IKBKE: variants seen among roughly 807,000 people sequenced by gnomAD.
IKBKE encodes inhibitor of nuclear factor kappa-B kinase subunit epsilon.
Under a neutral mutation model 92.1 loss-of-function variants are expected in IKBKE, and 45 were observed. The ratio of observed to expected loss-of-function variants is 0.49; its 90% CI spans 0.38 to 0.63. IKBKE has a LOEUF of 0.63. Among genes scored for constraint, IKBKE ranks in the 20% least tolerant of loss-of-function variants. The probability of loss-of-function intolerance (pLI) is 0.00; values close to 1 mark genes in which losing one functional copy is unlikely to be tolerated. For missense variants in IKBKE, 700 were observed against 932.8 expected, an observed-to-expected ratio of 0.75 and a Z score of 3.25; for synonymous variants, 374 against 380.3, an observed-to-expected ratio of 0.98 and a Z score of 0.19.
intron 2 of IKBKE, among the ~76,000 whole-genome samples, chr1:206,471,819 T>G (rs2103444127): frequency 6.6e-6 from 1 of 152,372 alleles, no homozygotes; most frequent in South Asian, 2.1e-4. Flanking sequence ...AGGATTTGCA[T>G]TTTTAAAAAA....
chr1:206,484,045 C>T (rs1265662433), intron 13 of IKBKE, among the ~76,000 whole-genome samples: 2 of 151,804 alleles, frequency 1.3e-5, no homozygotes, highest in Non-Finnish European at 2.9e-5. Flanking sequence ...CCACCTTGGC[C>T]TCCCAAAGTG....
rs2103482035 is a variant in IKBKE, at chr1:206,490,839, C to T, written c.1714C>T (p.Gln572Ter). Residue 572 changes from glutamine to a stop codon, truncating the protein, a stop_gained, in exon 17 of 22, where the codon CAG becomes TAG. Transcript: ENST00000581977. LOFTEE classifies it high-confidence loss of function. This position sits in a 1 kb window ranked among gnomAD's most constrained non-coding sequence, Gnocchi z 5.2. ...MRPGLGYNEE[Q>*]IHKLDKVNFS... The stretch of plus-strand genomic sequence containing the variant: ...TCCAGGGCTTGGCTACAACGAGGAG[C>T]AGATTCACAAGCTGGATAAGTGAGT... The T allele has an allele frequency of 2.5e-6, 4 of 1,614,116 alleles. No homozygotes were observed. The South Asian group carries it at 4.4e-5, about 18-fold the overall frequency.
Position 206,474,861 on chromosome 1 carries a change from A to C in IKBKE, c.229-4A>C, listed in dbSNP as rs370859899. 2.3e-5 allele frequency: 37 copies of C among 1,613,606 alleles called. No homozygotes were observed. The highest frequency in any genetic ancestry group is 1.7e-4 in the African/African-American group (13 of 74,896). ...TCATGAGCCCCTCTCTGTCCCACCC[A>C]TAGGGCGGAAGCCGGCAGAAGGTAC... On this transcript the variant is annotated splice_polypyrimidine_tract_variant and splice_region_variant and intron_variant, in intron 4 of 21. Coordinates refer to ENST00000581977, the MANE Select transcript of IKBKE (RefSeq NM_014002.4).
In IKBKE at chr1:206,479,034, G is replaced by C. The variant is rs782242787; in HGVS notation, c.1084G>C (p.Glu362Gln). The change falls in exon 10 of 22, where the codon GAG (glutamate) becomes CAG (glutamine). Residue 362 changes from glutamate to glutamine, a missense_variant. Physicochemically the swap from Glu to Gln is conservative, Grantham distance 29. Transcript: ENST00000581977. ...CTTTGAGGGTCACCTCTGTGTCCTC[G>C]AGCCCAGCGTCTCAGCACAGCACAT... is the stretch of plus-strand genomic sequence containing the variant. ...YLFEGHLCVL[E>Q]PSVSAQHIAH... The C allele has an allele frequency of 6.2e-7, 1 of 1,613,952 alleles. No individual in the cohort carries two copies. Among genetic ancestry groups the C allele is most frequent in the South Asian group, 1.1e-5 (1 of 91,076 alleles).
intron 18 of IKBKE, 141 bp from the exon 19 acceptor site, chr1:206,492,882 A>C (rs1553390934): frequency 1.3e-6 from 1 of 753,752 alleles, no homozygotes; most frequent in Non-Finnish European, 2.4e-6. Flanking sequence ...TGGAGGGCAC[A>C]GCTGGCAGGG....
intron 12 of IKBKE, 149 bp from the exon 13 acceptor site, chr1:206,480,298 G>A (rs1372432699): frequency 1.6e-5 from 11 of 691,088 alleles, no homozygotes; most frequent in African/African-American, 5.7e-5. Context: ...AGGGGGAGGC[G>A]GGCTGTAGGT....
At chr1:206,493,166 G>T (rs1326491084) in intron 19 of IKBKE, 47 bp downstream of exon 19, 2 of 1,565,060 alleles carry the variant, frequency 1.3e-6, no homozygotes, top group Admixed American at 1.7e-5. Context: ...TGCAGGCTGG[G>T]GCGCTTGTTA....
In IKBKE at chr1:206,478,765, G is replaced by A. The variant is rs1665207486; in HGVS notation, c.993-178G>A. Among the ~76,000 whole-genome samples, 1 of 152,102 alleles carries A rather than the reference G, an allele frequency of 6.6e-6. No individual in the cohort carries two copies. The highest frequency in any genetic ancestry group is 2.1e-4 in the South Asian group (1 of 4,828). On this transcript the variant is annotated intron_variant, in intron 9 of 21. Coordinates refer to ENST00000581977, the MANE Select transcript of IKBKE (RefSeq NM_014002.4). The surrounding 1 kb of genome is among the most constrained non-coding windows in gnomAD (Gnocchi z 4.8). ...CACTCTGTCTCCATCACTATAAGATGTGAACTCTCCCCTTGGTCTCTCCAC... is the reference window on the plus strand; with the variant it reads ...CACTCTGTCTCCATCACTATAAGATATGAACTCTCCCCTTGGTCTCTCCAC...
intron 2 of IKBKE, 115 bp from the exon 3 acceptor site, chr1:206,473,081 T>C: frequency 1.5e-6 from 1 of 677,254 alleles, no homozygotes; most frequent in Non-Finnish European, 2.7e-6. Flanking sequence ...GCTTGTGGAA[T>C]GGCCACATGG....
In IKBKE at chr1:206,476,771, T is replaced by C; in HGVS notation, c.634T>C (p.Tyr212His). 1 of 1,614,224 alleles carries C rather than the reference T, an allele frequency of 6.2e-7. No homozygotes were observed. Among genetic ancestry groups the C allele is most frequent in the Non-Finnish European group, 8.5e-7 (1 of 1,180,028 alleles). Residue 212 changes from tyrosine (Y) to histidine (H), a missense_variant, in exon 7 of 22, where the codon TAC becomes CAC. By Grantham distance (83) the Tyr-to-His change is moderately conservative. Coordinates refer to ENST00000581977, the MANE Select transcript of IKBKE (RefSeq NM_014002.4). The surrounding 1 kb of genome is among the most constrained non-coding windows in gnomAD (Gnocchi z 5.1). ...VDLWSIGVTL[Y>H]HAATGSLPFI... ...TCTCTGGAGCATTGGAGTGACCTTGTACCATGCAGCCACTGGCAGCCTGCC... is the reference window on the plus strand; with the variant it reads ...TCTCTGGAGCATTGGAGTGACCTTGCACCATGCAGCCACTGGCAGCCTGCC...
rs1360201785 is a variant in IKBKE, at chr1:206,476,479, C to T, written c.540+117C>T. The T allele has an allele frequency of 8.4e-7, 1 of 1,192,132 alleles. No homozygotes were observed. Among genetic ancestry groups the T allele is most frequent in the Non-Finnish European group, 1.2e-6 (1 of 830,626 alleles). 73.8% of individuals were successfully genotyped at this position (1,192,132 alleles called of 1,614,324 possible). Reference sequence around the variant, plus strand: ...CCTCCTGCTTCCACAGGAGTTATGTCTCTCCCCTGTACCCCAACCAGAAGA... The same window carrying T: ...CCTCCTGCTTCCACAGGAGTTATGTTTCTCCCCTGTACCCCAACCAGAAGA... On this transcript the variant is annotated intron_variant, in intron 6 of 21. Transcript: ENST00000581977. The surrounding 1 kb of genome is among the most constrained non-coding windows in gnomAD (Gnocchi z 5.1).
Position 206,484,125 on chromosome 1 carries a change from ATTGTATTG to A in IKBKE, c.1428-870_1428-863del, listed in dbSNP as rs1665535537. The stretch of plus-strand genomic sequence containing the variant: ...ATTGTATTGTATTGTATTGTATTGT[ATTGTATTG>A]TATTGTATTGTATTGTATTGTATTG... On this transcript the variant is annotated intron_variant, in intron 13 of 21. Coordinates refer to ENST00000581977, the MANE Select transcript of IKBKE (RefSeq NM_014002.4). Among the ~76,000 whole-genome samples, 66 of 146,410 alleles carry A rather than the reference ATTGTATTG, an allele frequency of 4.5e-4. 3 individuals carry two copies. In the South Asian group the frequency reaches 0.014, roughly 31 times the overall value.
Position 206,478,829 on chromosome 1 carries a change from G to T in IKBKE, c.993-114G>T. ...GAAAACCACCCCCGTCCCTCCCTCTGCAAAACAGAGCCCTGTCTATGGGCA... is the reference window on the plus strand; with the variant it reads ...GAAAACCACCCCCGTCCCTCCCTCTTCAAAACAGAGCCCTGTCTATGGGCA... On this transcript the variant is annotated intron_variant, in intron 9 of 21. Transcript: ENST00000581977. The surrounding 1 kb of genome is among the most constrained non-coding windows in gnomAD (Gnocchi z 4.8). The T allele has an allele frequency of 1.2e-6, 1 of 832,516 alleles. No homozygotes were observed. 51.6% of individuals were successfully genotyped at this position (832,516 alleles called of 1,614,324 possible).
At chr1:206,492,380 G>A (rs1038491271) in intron 18 of IKBKE, 14 of 459,750 alleles carry the variant, frequency 3.0e-5, no homozygotes, top group African/African-American at 1.8e-4. Context: ...TCTGAGGCCT[G>A]TAGGACCTCA....
chr1:206,483,114 T>C (rs1329462560), intron 13 of IKBKE, among the ~76,000 whole-genome samples: 2 of 152,248 alleles, frequency 1.3e-5, no homozygotes, highest in African/African-American at 4.8e-5. Flanking sequence ...ATCCTAGGGC[T>C]TCCCCCAGCC....
intron 21 of IKBKE, among the ~76,000 whole-genome samples, chr1:206,494,585 G>GTTTT (rs1558486913): frequency 9.0e-5 from 11 of 122,466 alleles, no homozygotes; most frequent in African/African-American, 3.3e-4. Flanking sequence ...ACCAGTAAAA[G>GTTTT]TTCTTTCTTT....
chr1:206,491,300 C>A (rs782473813), intron 17 of IKBKE: 13 of 358,858 alleles, frequency 3.6e-5, no homozygotes, highest in Non-Finnish European at 6.3e-5. Context: ...CACCCCGACC[C>A]CTTTTTGTCT....
In IKBKE at chr1:206,473,226, A is replaced by T. The variant is rs782221667; in HGVS notation, c.-2A>T. 1 of 1,610,728 alleles carries T rather than the reference A, an allele frequency of 6.2e-7. No homozygotes were observed. The highest frequency in any genetic ancestry group is 1.3e-5 in the African/African-American group (1 of 75,030). On this transcript the variant is annotated 5_prime_UTR_variant, in exon 3 of 22. Coordinates refer to ENST00000581977, the MANE Select transcript of IKBKE (RefSeq NM_014002.4). ...AGGTGACCAGCCAGCTCAGGGCAGGAGATGCAGAGCACAGCCAATTACCTG... is the reference window on the plus strand; with the variant it reads ...AGGTGACCAGCCAGCTCAGGGCAGGTGATGCAGAGCACAGCCAATTACCTG...
chr1:206,483,116 C>T (rs1386201979), intron 13 of IKBKE, among the ~76,000 whole-genome samples: 1 of 152,224 alleles, frequency 6.6e-6, no homozygotes, highest in African/African-American at 2.4e-5. Flanking sequence ...CCTAGGGCTT[C>T]CCCCAGCCCC....
Sources: gnomAD v4.1 joint callset for allele counts (sites outside exome capture counted in the v4.1 genomes callset) on GRCh38, gnomAD v4.1.1 for gene constraint, Gnocchi (gnomAD v3.1) non-coding constraint, MANE v1.5 for transcripts, NCBI Gene and HGNC (gene_info 2026-07-23, HGNC 2026-07-21) for gene names.